The following GAREM1 variants were observed in gnomAD, a reference collection of about 807,000 sequenced individuals.
The protein encoded by GAREM1 is GRB2-associated and regulator of MAPK protein 1.
Under a neutral mutation model 71.3 loss-of-function variants are expected in GAREM1, and 26 were observed. The observed-to-expected ratio is 0.36, with a 90% CI of 0.27 to 0.51. The LOEUF (loss-of-function observed/expected upper bound fraction) is 0.51, where lower values mean the gene tolerates loss of function less well. GAREM1 is among the 20% of genes least tolerant of loss of function. GAREM1 has a pLI of 0.95. For missense variants in GAREM1, 1,026 were observed against 1,103.1 expected, an observed-to-expected ratio of 0.93 and a Z score of 0.99; for synonymous variants, 440 against 433.2, an observed-to-expected ratio of 1.02 and a Z score of -0.20.
At chr18:32,323,716 C>T (rs1255550775) in intron 2 of GAREM1, among the ~76,000 whole-genome samples, 1 of 152,110 alleles carries the variant, frequency 6.6e-6, no homozygotes, top group East Asian at 1.9e-4. Context: ...CTCAAATAAA[C>T]AAATAAATAA....
chr18:32,298,982 A>C (rs2047170622), intron 3 of GAREM1, among the ~76,000 whole-genome samples: 1 of 152,180 alleles, frequency 6.6e-6, no homozygotes, highest in Non-Finnish European at 1.5e-5. Context: ...GGCAAGAATG[A>C]CAAGTACAAT....
intron 2 of GAREM1, among the ~76,000 whole-genome samples, chr18:32,352,982 T>C (rs2047766665): frequency 6.6e-6 from 1 of 152,212 alleles, no homozygotes; most frequent in Non-Finnish European, 1.5e-5. Flanking sequence ...AATTTTTTAT[T>C]AATGAGAGGC....
intron 1 of GAREM1, among the ~76,000 whole-genome samples, chr18:32,461,444 C>T (rs1250780963): frequency 6.6e-6 from 1 of 152,078 alleles, no homozygotes; most frequent in Non-Finnish European, 1.5e-5. Flanking sequence ...ACCTGTAATT[C>T]CAGCACTTTG....
intron 1 of GAREM1, among the ~76,000 whole-genome samples, chr18:32,419,275 C>T (rs879575584): frequency 6.6e-6 from 1 of 152,096 alleles, no homozygotes. Flanking sequence ...CTGATTAGGT[C>T]GGGCCACCAA....
At position 32,389,566 on chromosome 18, in the gene GAREM1, A is replaced by G. The variant is rs1599011971; in HGVS notation, c.262+3329T>C. 2.0e-5 allele frequency among the ~76,000 whole-genome samples: 3 copies of G among 152,228 alleles called. No homozygotes were observed. The East Asian group carries it at 5.8e-4, about 29-fold the overall frequency. ...GATTACAAAGCTGGTGGGCTTTACT[A>G]CTCTGTTAAACATTTTAAATTACTG... On this transcript the variant is annotated intron_variant, in intron 2 of 5. Coordinates refer to ENST00000269209, the MANE Select transcript of GAREM1 (RefSeq NM_001242409.2).
intron 3 of GAREM1, among the ~76,000 whole-genome samples, chr18:32,304,221 C>T (rs1248009416): frequency 8.6e-5 from 13 of 151,802 alleles, no homozygotes; most frequent in African/African-American, 2.2e-4. Context: ...GCAGGAGAAT[C>T]GCTTGGACCT....
At chr18:32,392,618 A>C (rs1291711963) in intron 2 of GAREM1, among the ~76,000 whole-genome samples, 1 of 152,186 alleles carries the variant, frequency 6.6e-6, no homozygotes, top group African/African-American at 2.4e-5. Context: ...GGTTGGCTAC[A>C]TGTATTGATT....
At position 32,392,950 on chromosome 18, in the gene GAREM1, C is replaced by G; in HGVS notation, c.207G>C (p.Leu69Phe). The change falls in exon 2 of 6, where the codon TTG becomes TTC. Residue 69 changes from leucine (L) to phenylalanine (F), a missense_variant. Physicochemically the swap from Leu to Phe is conservative, Grantham distance 22. Around this residue, in one of 3 missense-constraint regions of GAREM1, gnomAD observed 172 missense variants for 175.2 expected, o/e 0.98. Transcript: ENST00000269209. Reference protein sequence around the residue: ...RQWTTITAHSLEEGHYVIGPK... With the variant: ...RQWTTITAHSFEEGHYVIGPK... ...GCCCAATGACATAGTGACCCTCCTCCAAGCTGTGGGCAGTGATGGTGGTCC... is the reference window on the plus strand; with the variant it reads ...GCCCAATGACATAGTGACCCTCCTCGAAGCTGTGGGCAGTGATGGTGGTCC... 1 of 1,613,912 alleles carries G rather than the reference C, an allele frequency of 6.2e-7. No individual in the cohort carries two copies. Among genetic ancestry groups the G allele is most frequent in the South Asian group, 1.1e-5 (1 of 91,076 alleles).
chr18:32,290,229 C>T (rs889218716), intron 3 of GAREM1: 1 of 151,936 alleles, frequency 6.6e-6, no homozygotes, highest in African/African-American at 2.4e-5. Flanking sequence ...CCCACTGTAA[C>T]TATATTGTTT....
At chr18:32,415,657 T>C (rs1489335286) in intron 1 of GAREM1, among the ~76,000 whole-genome samples, 1 of 152,106 alleles carries the variant, frequency 6.6e-6, no homozygotes, top group African/African-American at 2.4e-5. Flanking sequence ...AAAAATCATT[T>C]GATAAAGCTC....
chr18:32,464,851 A>C (rs900132948), intron 1 of GAREM1, among the ~76,000 whole-genome samples: 2 of 152,230 alleles, frequency 1.3e-5, no homozygotes, highest in Admixed American at 1.3e-4. Context: ...TAAGCACCAC[A>C]AAGACATACA....
At chr18:32,376,252 T>C (rs41527551) in intron 2 of GAREM1, among the ~76,000 whole-genome samples, 31,528 of 152,152 alleles carry the variant, frequency 0.21, 3,982 homozygotes, top group African/African-American at 0.35. Flanking sequence ...CAAGATTTAA[T>C]TGTCTCCACT....
intron 3 of GAREM1, 82 bp from the exon 4 acceptor site, chr18:32,288,285 TACAC>T: frequency 9.0e-7 from 1 of 1,106,922 alleles, no homozygotes; most frequent in Non-Finnish European, 1.3e-6. Flanking sequence ...CACACACAAA[TACAC>T]ACACAGAGGA....
chr18:32,397,068 G>A (rs573978988), intron 1 of GAREM1, among the ~76,000 whole-genome samples: 2 of 152,202 alleles, frequency 1.3e-5, no homozygotes, highest in South Asian at 4.2e-4. Flanking sequence ...GATAAGTGAA[G>A]GAGAAATAAA....
intron 4 of GAREM1, among the ~76,000 whole-genome samples, chr18:32,282,465 G>T (rs1323955801): frequency 6.6e-6 from 1 of 152,208 alleles, no homozygotes; most frequent in Non-Finnish European, 1.5e-5. Flanking sequence ...ATCACTGGGT[G>T]CTGGGGTCCC....
Position 32,330,178 on chromosome 18 carries a change from A to T in GAREM1, c.263-19855T>A, listed in dbSNP as rs555446840. On this transcript the variant is annotated intron_variant, in intron 2 of 5. Coordinates refer to ENST00000269209, the MANE Select transcript of GAREM1 (RefSeq NM_001242409.2). ...ATACCACAGAATACTACACAGCCATAAACGAGAACAAATCATGTCTTTTGC... is the reference window on the plus strand; with the variant it reads ...ATACCACAGAATACTACACAGCCATTAACGAGAACAAATCATGTCTTTTGC... Among the ~76,000 whole-genome samples, 14 of 152,378 alleles carry T rather than the reference A, an allele frequency of 9.2e-5. No individual in the cohort carries two copies. The East Asian group carries it at 2.7e-3, about 29-fold the overall frequency.
At chr18:32,430,947 A>G (rs1196111289) in intron 1 of GAREM1, among the ~76,000 whole-genome samples, 1 of 152,200 alleles carries the variant, frequency 6.6e-6, no homozygotes, top group African/African-American at 2.4e-5. Context: ...AGAGAGCTAG[A>G]AAATGTCAGG....
At chr18:32,430,658 C>G (rs970800227) in intron 1 of GAREM1, among the ~76,000 whole-genome samples, 2 of 152,198 alleles carry the variant, frequency 1.3e-5, no homozygotes, top group African/African-American at 4.8e-5. Context: ...AAGAAGAGGA[C>G]ATGACTTTGA....
rs774536510 is a variant in GAREM1 at position 32,284,748 on chromosome 18, CTTACT to C, written c.1566+2278_1566+2282del. ...GAGTACTTGTTTGGAGGGGTGCCCC[CTTACT>C]TTTTTTTTTTTTTTTTGAGACAGTC... On this transcript the variant is annotated intron_variant, in intron 4 of 5. Transcript: ENST00000269209. 1.4e-4 allele frequency among the ~76,000 whole-genome samples: 18 copies of C among 126,022 alleles called. 1 individual carries two copies. Among genetic ancestry groups the C allele is most frequent in the Non-Finnish European group, 1.3e-4 (8 of 60,128 alleles). The allele number at this position is 126,022 out of a possible 152,430, so 82.7% of individuals were successfully genotyped here. A position where few individuals can be genotyped will look rare whatever the true frequency, so the allele number is the denominator to read the frequency against.
Sources: gnomAD v4.1 joint callset for allele counts (sites outside exome capture counted in the v4.1 genomes callset) on GRCh38, gnomAD v4.1.1 for gene constraint, gnomAD v4.1.1 regional missense constraint, MANE v1.5 for transcripts, NCBI Gene and HGNC (gene_info 2026-07-23, HGNC 2026-07-21) for gene names.